Variants in GAR1 observed in about 807,000 individuals in gnomAD.
The protein encoded by GAR1 is GAR1 ribonucleoprotein.
In GAR1, 11 loss-of-function variants were observed where a neutral mutation model predicts 29.3. That is an observed-to-expected ratio of 0.38 (90% CI 0.24 to 0.62). GAR1 has a LOEUF of 0.62. Among genes scored for constraint, GAR1 ranks in the 20% least tolerant of loss-of-function variants. The pLI is 0.62. For synonymous variants in GAR1, 87 were observed against 93.3 expected, an observed-to-expected ratio of 0.93 and a Z score of 0.39; for missense variants, 237 against 268.4, an observed-to-expected ratio of 0.88 and a Z score of 0.82.
intron 3 of GAR1, among the ~76,000 whole-genome samples, chr4:109,818,765 A>T (rs998469764): frequency 6.6e-6 from 1 of 151,708 alleles, no homozygotes; most frequent in Non-Finnish European, 1.5e-5. Context: ...GGGTTTCACC[A>T]TGTTGGCCAG....
intron 5 of GAR1, among the ~76,000 whole-genome samples, chr4:109,823,604 C>A (rs1733575753): frequency 6.6e-6 from 1 of 152,142 alleles, no homozygotes; most frequent in Non-Finnish European, 1.5e-5. Flanking sequence ...ACAGTTCCAT[C>A]AAACTATCCT....
At chr4:109,820,017 G>C (rs1402104980) in intron 4 of GAR1, among the ~76,000 whole-genome samples, 1 of 152,164 alleles carries the variant, frequency 6.6e-6, no homozygotes, top group African/African-American at 2.4e-5. Context: ...ACAGTTAAAT[G>C]AATGCTTCAA....
intron 1 of GAR1, 143 bp downstream of exon 1, chr4:109,815,947 T>G (rs1579350303): frequency 1.5e-5 from 9 of 595,388 alleles, no homozygotes; most frequent in East Asian, 5.6e-5. Context: ...GCGGCAAGGG[T>G]GGTGTGTGGT....
rs1439073156 is a variant in GAR1, at chr4:109,816,320, G to A, written c.156G>A (p.Gly52=). 2 of 1,613,492 alleles carry A rather than the reference G, an allele frequency of 1.2e-6. No homozygotes were observed. Among genetic ancestry groups the A allele is most frequent in the Admixed American group, 3.3e-5 (2 of 59,950 alleles). The change falls in exon 2 of 7, where the codon GGG becomes GGA. Residue 52 remains glycine (G), a synonymous_variant. Transcript: ENST00000226796. ...RGGGRGGFGR[G]GGRGGFNKGQ... ...GCGGCAGGGGAGGATTTGGACGAGG[G>A]GGTGGCCGCGGAGGCTTTAACAAAG...
rs1733599082 is a variant in GAR1 at position 109,824,452 on chromosome 4, C to T, written c.*21C>T. The T allele has an allele frequency of 6.4e-7, 1 of 1,564,452 alleles. No homozygotes were observed. Among genetic ancestry groups the T allele is most frequent in the East Asian group, 2.2e-5 (1 of 44,556 alleles). ...ATTAAGTGAAACAGTTGACAGACATCACCAGTTGACTTCTGCATTAACCTG... is the reference window on the plus strand; with the variant it reads ...ATTAAGTGAAACAGTTGACAGACATTACCAGTTGACTTCTGCATTAACCTG... On this transcript the variant is annotated 3_prime_UTR_variant, in exon 7 of 7. Coordinates refer to ENST00000226796, the MANE Select transcript of GAR1 (RefSeq NM_018983.4).
At chr4:109,820,258 A>T (rs1733476856) in intron 4 of GAR1, among the ~76,000 whole-genome samples, 1 of 152,216 alleles carries the variant, frequency 6.6e-6, no homozygotes. Flanking sequence ...CATCTTTCAG[A>T]TGTCTGACAT....
rs527374871 is a variant in GAR1, at chr4:109,824,605, T to C, written c.*174T>C. ...AGTGCAACGGAATAGTGAATTTTGC[T>C]CTAAAAGAGCATGAACAAGTCTTTC... On this transcript the variant is annotated 3_prime_UTR_variant, in exon 7 of 7. Coordinates refer to ENST00000226796, the MANE Select transcript of GAR1 (RefSeq NM_018983.4). 2.2e-5 allele frequency: 13 copies of C among 591,418 alleles called. No individual in the cohort carries two copies. In the East Asian group the frequency reaches 3.7e-4, roughly 17 times the overall value. The allele number at this position is 591,418 out of a possible 1,614,324, so 36.6% of individuals were successfully genotyped here. A position where few individuals can be genotyped will look rare whatever the true frequency, so the allele number is the denominator to read the frequency against.
intron 5 of GAR1, among the ~76,000 whole-genome samples, chr4:109,822,813 G>A (rs1240423282): frequency 6.6e-6 from 1 of 152,110 alleles, no homozygotes; most frequent in Non-Finnish European, 1.5e-5. Flanking sequence ...CATGCTGAAA[G>A]CTGGTCATAC....
chr4:109,818,693 T>C (rs1167513556), intron 3 of GAR1, among the ~76,000 whole-genome samples: 1 of 151,558 alleles, frequency 6.6e-6, no homozygotes, highest in Non-Finnish European at 1.5e-5. Flanking sequence ...GCCTTTCAAG[T>C]AGCTGAGATT....
intron 4 of GAR1, among the ~76,000 whole-genome samples, chr4:109,819,866 A>G (rs1733464935): frequency 1.3e-5 from 2 of 152,246 alleles, no homozygotes; most frequent in Non-Finnish European, 2.9e-5. Context: ...GTTAGGAATG[A>G]AACATTTAGG....
chr4:109,822,434 A>G lies in GAR1; in HGVS notation c.517A>G (p.Arg173Gly), dbSNP rs1733538953. ...GAAAGGACCTCCAAGAGGTGGTGGC[A>G]GGGGAGGCCGAGGAGGAGGAAGAGG... ...GEKGPPRGGG[R>G]GGRGGGRGGG... Residue 173 changes from arginine (R) to glycine (G), a missense_variant, in exon 5 of 7, where the codon AGG becomes GGG. Transcript: ENST00000226796. The G allele has an allele frequency of 1.3e-5, 21 of 1,611,144 alleles. No individual in the cohort carries two copies. The East Asian group carries it at 4.7e-4, about 36-fold the overall frequency.
At chr4:109,815,914 G>C (rs893153619) in intron 1 of GAR1, 110 bp downstream of exon 1, 19 of 563,504 alleles carry the variant, frequency 3.4e-5, no homozygotes, top group Non-Finnish European at 4.4e-5. Flanking sequence ...CTGTCTGTAG[G>C]GGGAGGAGAT....
Position 109,822,334 on chromosome 4 carries a change from A to G in GAR1, c.430-13A>G, listed in dbSNP as rs1733536717. 2 of 1,490,950 alleles carry G rather than the reference A, an allele frequency of 1.3e-6. No homozygotes were observed. The highest frequency in any genetic ancestry group is 2.0e-5 in the Admixed American group (1 of 50,802). The allele number at this position is 1,490,950 out of a possible 1,614,324, so 92.4% of individuals were successfully genotyped here. A position where few individuals can be genotyped will look rare whatever the true frequency, so the allele number is the denominator to read the frequency against. ...CCCAAGTTGTATACTAATTGCTTCT[A>G]TTATGTTTCCAGTTTTATATAGACC... On this transcript the variant is annotated splice_polypyrimidine_tract_variant and intron_variant, in intron 4 of 6. Transcript: ENST00000226796.
At chr4:109,819,243 C>T in intron 4 of GAR1, 183 bp downstream of exon 4, 2 of 599,234 alleles carry the variant, frequency 3.3e-6, no homozygotes, top group East Asian at 3.2e-5. Flanking sequence ...TTTGATACAG[C>T]CTTTAGAAAG....
intron 4 of GAR1, among the ~76,000 whole-genome samples, chr4:109,820,859 G>A (rs977673902): frequency 6.6e-6 from 1 of 152,100 alleles, no homozygotes; most frequent in Non-Finnish European, 1.5e-5. Flanking sequence ...CGTGCCTGGA[G>A]CTGTTGAGCC....
rs1579350186 is a variant in GAR1 at position 109,815,792 on chromosome 4, G to C, written c.-25G>C. ...TGTGCGCAAGGCCAGGGCCAGAGGG[G>C]CACGTGGCGCCGGTGAGTGGCCGTA... On this transcript the variant is annotated 5_prime_UTR_variant, in exon 1 of 7. Coordinates refer to ENST00000226796, the MANE Select transcript of GAR1 (RefSeq NM_018983.4). 3.8e-6 allele frequency: 1 copy of C among 266,136 alleles called. No homozygotes were observed. The highest frequency in any genetic ancestry group is 1.0e-4 in the East Asian group (1 of 9,976). 16.5% of individuals were successfully genotyped at this position (266,136 alleles called of 1,614,324 possible).
rs372114372 is a variant in GAR1 at position 109,817,470 on chromosome 4, G to GA, written c.215-455dup. On this transcript the variant is annotated intron_variant, in intron 2 of 6. Transcript: ENST00000226796. Reference sequence around the variant, plus strand: ...GGAATGGAAAAGTTCTAAGGCAAGAGAAAAAAAAAAAGAATGAAGGCTGAT... The same window carrying GA: ...GGAATGGAAAAGTTCTAAGGCAAGAGAAAAAAAAAAAAGAATGAAGGCTGAT... Among the ~76,000 whole-genome samples, 72 of 140,288 alleles carry GA rather than the reference G, an allele frequency of 5.1e-4. 1 individual carries two copies. Among genetic ancestry groups the GA allele is most frequent in the African/African-American group, 1.4e-3 (53 of 38,404 alleles). 92.0% of individuals were successfully genotyped at this position (140,288 alleles called of 152,430 possible). A position where few individuals can be genotyped will look rare whatever the true frequency, so the allele number is the denominator to read the frequency against.
chr4:109,822,510 T>G, intron 5 of GAR1, 22 bp downstream of exon 5: 1 of 1,584,712 alleles, frequency 6.3e-7, no homozygotes, highest in Non-Finnish European at 8.5e-7. Context: ...GGGGAAAATT[T>G]CTAATGAAAT....
At chr4:109,821,443 G>A (rs867113011) in intron 4 of GAR1, among the ~76,000 whole-genome samples, 6 of 152,136 alleles carry the variant, frequency 3.9e-5, no homozygotes, top group East Asian at 1.9e-4. Context: ...TGAAATCCTC[G>A]TGTGTTTTAT....
Sources: allele counts gnomAD v4.1 joint callset (sites outside exome capture counted in the v4.1 genomes callset), GRCh38; gene constraint gnomAD v4.1.1; transcripts MANE v1.5; gene names NCBI Gene and HGNC (gene_info 2026-07-23, HGNC 2026-07-21).